The following PLPPR1 variants were observed in gnomAD, a reference collection of about 807,000 sequenced individuals.
PLPPR1 encodes phospholipid phosphatase-related protein type 1.
In PLPPR1, 10 loss-of-function variants were observed where a neutral mutation model predicts 33.1. That is an observed-to-expected ratio of 0.30 (90% CI 0.19 to 0.51). The LOEUF is 0.51. Ranked by LOEUF, PLPPR1 falls within the 20% of genes least tolerant of loss-of-function variation. The probability of loss-of-function intolerance (pLI) is 0.97; values close to 1 mark genes in which losing one functional copy is unlikely to be tolerated. For missense variants in PLPPR1, 304 were observed against 408.1 expected, an observed-to-expected ratio of 0.74 and a Z score of 2.20; for synonymous variants, 151 against 151.0, an observed-to-expected ratio of 1.00 and a Z score of 0.00.
intron 2 of PLPPR1, among the ~76,000 whole-genome samples, chr9:101,197,269 T>G (rs562126405): frequency 6.6e-6 from 1 of 152,162 alleles, no homozygotes; most frequent in Non-Finnish European, 1.5e-5. Flanking sequence ...ACAGGAAGTA[T>G]GCTAATATTG....
intron 2 of PLPPR1, among the ~76,000 whole-genome samples, chr9:101,247,107 C>T (rs950700711): frequency 2.6e-5 from 4 of 151,926 alleles, no homozygotes; most frequent in African/African-American, 9.7e-5. Context: ...ATTGAGGCCT[C>T]TAACTCATTA....
chr9:101,175,830 T>C (rs980100803), intron 1 of PLPPR1, among the ~76,000 whole-genome samples: 4 of 152,174 alleles, frequency 2.6e-5, no homozygotes, highest in African/African-American at 9.6e-5. Flanking sequence ...CAAAAAGAGT[T>C]GTGATGACTT....
At chr9:101,179,011 T>C (rs1477815296) in intron 1 of PLPPR1, among the ~76,000 whole-genome samples, 1 of 152,128 alleles carries the variant, frequency 6.6e-6, no homozygotes, top group African/African-American at 2.4e-5. Flanking sequence ...ACCTGGAAAC[T>C]TTGGGCTTCT....
At chr9:101,305,310 C>A (rs140420496) in intron 4 of PLPPR1, among the ~76,000 whole-genome samples, 1 of 151,956 alleles carries the variant, frequency 6.6e-6, no homozygotes, top group Non-Finnish European at 1.5e-5. Context: ...AACAGTGGAC[C>A]CCTCTCACTC....
At chr9:101,229,424 T>G (rs1236796878) in intron 2 of PLPPR1, among the ~76,000 whole-genome samples, 1 of 152,076 alleles carries the variant, frequency 6.6e-6, no homozygotes, top group African/African-American at 2.4e-5. Context: ...TTTTTTCCAT[T>G]TATAAAACCA....
At chr9:101,314,629 CTTAAT>C (rs1269077863) in intron 6 of PLPPR1, among the ~76,000 whole-genome samples, 1 of 151,408 alleles carries the variant, frequency 6.6e-6, no homozygotes, top group Non-Finnish European at 1.5e-5. Flanking sequence ...ATGCAGTTAC[CTTAAT>C]TTAAAAGCAC....
chr9:101,115,785 A>C (rs1831111080), intron 1 of PLPPR1, among the ~76,000 whole-genome samples: 1 of 152,188 alleles, frequency 6.6e-6, no homozygotes, highest in South Asian at 2.1e-4. Context: ...ATTCAACTAC[A>C]CTTAGCTGCA....
At chr9:101,149,555 G>C (rs371276785) in intron 1 of PLPPR1, among the ~76,000 whole-genome samples, 1 of 152,082 alleles carries the variant, frequency 6.6e-6, no homozygotes, top group East Asian at 1.9e-4. Flanking sequence ...GAATAGTTTG[G>C]CTGGTTATAA....
intron 1 of PLPPR1, among the ~76,000 whole-genome samples, chr9:101,075,541 A>G (rs1186794325): frequency 6.6e-6 from 1 of 152,222 alleles, no homozygotes; most frequent in African/African-American, 2.4e-5. Context: ...AAAGAGACCA[A>G]TCAAGGTAGA....
chr9:101,282,718 A>G (rs1195588313), intron 3 of PLPPR1, among the ~76,000 whole-genome samples: 1 of 152,240 alleles, frequency 6.6e-6, no homozygotes, highest in Non-Finnish European at 1.5e-5. Flanking sequence ...AGGATATAAA[A>G]CAAAATACAA....
In PLPPR1 at chr9:101,234,221, C is replaced by A. The variant is rs550813432; in HGVS notation, c.64-35659C>A. ...GGAGCCAAGGTGTTGTTTTCTCCCC[C>A]CTACTGTTTGTAACATACACATACC... On this transcript the variant is annotated intron_variant, in intron 2 of 7. Transcript: ENST00000374874. 2.4e-3 allele frequency among the ~76,000 whole-genome samples: 359 copies of A among 152,004 alleles called. 2 individuals carry two copies. Among genetic ancestry groups the A allele is most frequent in the African/African-American group, 7.8e-3 (322 of 41,512 alleles).
At chr9:101,074,544 G>GA in intron 1 of PLPPR1, among the ~76,000 whole-genome samples, 1 of 152,196 alleles carries the variant, frequency 6.6e-6, no homozygotes, top group South Asian at 2.1e-4. Context: ...ATTTCTCTGA[G>GA]AAAATGGGGC....
chr9:101,166,333 A>T (rs1825857917), intron 1 of PLPPR1, among the ~76,000 whole-genome samples: 1 of 152,190 alleles, frequency 6.6e-6, no homozygotes, highest in Non-Finnish European at 1.5e-5. Context: ...TATGTTAAAT[A>T]CCGCATTATA....
intron 2 of PLPPR1, among the ~76,000 whole-genome samples, chr9:101,253,322 CG>C (rs1192573349): frequency 6.6e-6 from 1 of 151,582 alleles, no homozygotes; most frequent in Non-Finnish European, 1.5e-5. Context: ...CCGAGGCAGG[CG>C]GATCATTTGA....
chr9:101,035,526 A>G (rs1344170096), intron 1 of PLPPR1, among the ~76,000 whole-genome samples: 3 of 152,058 alleles, frequency 2.0e-5, no homozygotes, highest in African/African-American at 7.2e-5. Flanking sequence ...GTCTTCCCCT[A>G]ACTCCTTTGG....
chr9:101,032,713 C>T (rs551898774), intron 1 of PLPPR1, among the ~76,000 whole-genome samples: 1 of 152,260 alleles, frequency 6.6e-6, no homozygotes, highest in African/African-American at 2.4e-5. Flanking sequence ...TTCCATTTCT[C>T]CAACGTGATC....
chr9:101,118,157 G>A (rs773820512), intron 1 of PLPPR1, among the ~76,000 whole-genome samples: 31 of 152,212 alleles, frequency 2.0e-4, no homozygotes, highest in Non-Finnish European at 4.0e-4. Flanking sequence ...GAGATGGGGA[G>A]GAAGCTGATA....
intron 1 of PLPPR1, among the ~76,000 whole-genome samples, chr9:101,175,983 G>T (rs1323079222): frequency 2.0e-5 from 3 of 152,176 alleles, no homozygotes; most frequent in Non-Finnish European, 4.4e-5. Flanking sequence ...ACAACACAAG[G>T]AACAACATAG....
At chr9:101,111,131 A>C (rs1435448998) in intron 1 of PLPPR1, among the ~76,000 whole-genome samples, 1 of 152,138 alleles carries the variant, frequency 6.6e-6, no homozygotes, top group African/African-American at 2.4e-5. Context: ...ATACCAAAAC[A>C]TGACTAGCGG....
Sources: allele counts gnomAD v4.1 joint callset (sites outside exome capture counted in the v4.1 genomes callset), GRCh38; gene constraint gnomAD v4.1.1; transcripts MANE v1.5; gene names NCBI Gene and HGNC (gene_info 2026-07-23, HGNC 2026-07-21).